Variants in PTPRD observed in about 807,000 individuals in gnomAD.
The protein encoded by PTPRD is protein tyrosine phosphatase receptor type D, also known as receptor-type tyrosine-protein phosphatase delta.
In PTPRD, 34 loss-of-function variants were observed where a neutral mutation model predicts 214.5. The ratio of observed to expected loss-of-function variants is 0.16; its 90% CI spans 0.12 to 0.21. The LOEUF (loss-of-function observed/expected upper bound fraction) is 0.21, where lower values mean the gene tolerates loss of function less well. Ranked by LOEUF, PTPRD falls within the 10% of genes least tolerant of loss-of-function variation. PTPRD has a pLI of 1.00. For synonymous variants in PTPRD, 1,128 were observed against 845.7 expected, an observed-to-expected ratio of 1.33 and a Z score of -5.79; for missense variants, 2,545 against 2,398.7, an observed-to-expected ratio of 1.06 and a Z score of -1.27.
intron 9 of PTPRD, among the ~76,000 whole-genome samples, chr9:9,335,175 A>G (rs185803475): frequency 6.6e-6 from 1 of 152,200 alleles, no homozygotes; most frequent in Admixed American, 6.6e-5. Context: ...TTCAACTGAA[A>G]TAAGCATTTT....
intron 8 of PTPRD, among the ~76,000 whole-genome samples, chr9:9,510,377 C>T (rs1324555316): frequency 6.6e-6 from 1 of 151,228 alleles, no homozygotes; most frequent in Non-Finnish European, 1.5e-5. Flanking sequence ...GAGCAAACTT[C>T]CCAGCATATA....
In PTPRD at chr9:10,060,750, A is replaced by G. The variant is rs935258063; in HGVS notation, c.-544-26960T>C. 7.9e-5 allele frequency among the ~76,000 whole-genome samples: 12 copies of G among 151,730 alleles called. No individual in the cohort carries two copies. In the East Asian group the frequency reaches 1.9e-3, roughly 25 times the overall value. On this transcript the variant is annotated intron_variant, in intron 3 of 45. Coordinates refer to ENST00000381196, the MANE Select transcript of PTPRD (RefSeq NM_002839.4). ...AAAGTTCAGTTTCTATTTTCCCACCATCAGCATACCAATCACAGGTCTTGC... is the reference window on the plus strand; with the variant it reads ...AAAGTTCAGTTTCTATTTTCCCACCGTCAGCATACCAATCACAGGTCTTGC...
At chr9:9,434,330 G>A (rs2143593007) in intron 8 of PTPRD, among the ~76,000 whole-genome samples, 1 of 152,200 alleles carries the variant, frequency 6.6e-6, no homozygotes, top group South Asian at 2.1e-4. Context: ...TCTCTACACT[G>A]AAAACTATAA....
intron 11 of PTPRD, among the ~76,000 whole-genome samples, chr9:8,844,080 T>C (rs1225347153): frequency 6.6e-6 from 1 of 152,206 alleles, no homozygotes; most frequent in East Asian, 1.9e-4. Flanking sequence ...GGAAACATAA[T>C]GTAATCTGTC....
At chr9:8,460,000 T>C (rs2096345790) in intron 33 of PTPRD, among the ~76,000 whole-genome samples, 1 of 152,146 alleles carries the variant, frequency 6.6e-6, no homozygotes, top group Admixed American at 6.5e-5. Context: ...AATTATGATA[T>C]GTATACAAAT....
At chr9:10,392,325 G>T (rs1478217934) in intron 2 of PTPRD, among the ~76,000 whole-genome samples, 1 of 151,748 alleles carries the variant, frequency 6.6e-6, no homozygotes, top group Non-Finnish European at 1.5e-5. Context: ...ACTTCTTTCT[G>T]CAAGTAAAGA....
intron 5 of PTPRD, among the ~76,000 whole-genome samples, chr9:9,876,967 C>T (rs1193878820): frequency 6.6e-6 from 1 of 152,068 alleles, no homozygotes; most frequent in Non-Finnish European, 1.5e-5. Context: ...CATAAGTTGC[C>T]TGTATAAATA....
At chr9:8,446,906 T>C (rs535968224) in intron 34 of PTPRD, among the ~76,000 whole-genome samples, 3 of 152,294 alleles carry the variant, frequency 2.0e-5, no homozygotes, top group South Asian at 4.1e-4. Context: ...TCTCATCCTA[T>C]TGGCAAGTAA....
intron 7 of PTPRD, among the ~76,000 whole-genome samples, chr9:9,609,981 G>A (rs183733562): frequency 1.3e-5 from 2 of 152,154 alleles, no homozygotes; most frequent in Admixed American, 6.5e-5. Flanking sequence ...TTCTACTCAT[G>A]GCATATATTT....
chr9:9,317,709 C>A (rs930922454), intron 9 of PTPRD, among the ~76,000 whole-genome samples: 4 of 151,974 alleles, frequency 2.6e-5, no homozygotes, highest in Non-Finnish European at 5.9e-5. Context: ...AATAATTTTT[C>A]TATGCAATAA....
intron 3 of PTPRD, among the ~76,000 whole-genome samples, chr9:10,121,962 C>G (rs182888139): frequency 2.6e-5 from 4 of 152,316 alleles, no homozygotes; most frequent in African/African-American, 9.6e-5. Context: ...AAATCTCACA[C>G]TCAGTGTATT....
At chr9:10,397,086 G>A (rs994645799) in intron 2 of PTPRD, among the ~76,000 whole-genome samples, 2 of 151,988 alleles carry the variant, frequency 1.3e-5, no homozygotes, top group Non-Finnish European at 2.9e-5. Context: ...AACTAGTCCA[G>A]AAAATGTGTC....
In PTPRD at chr9:8,504,250, G is replaced by C; in HGVS notation, c.1822+11C>G. ...TAAAAAGGCAGAAAGTAAGCAAAGA[G>C]AGACACCTACTTGACTGCATGGTTC... On this transcript the variant is annotated intron_variant, in intron 23 of 45. Coordinates refer to ENST00000381196, the MANE Select transcript of PTPRD (RefSeq NM_002839.4). 1 of 1,613,880 alleles carries C rather than the reference G, an allele frequency of 6.2e-7. No homozygotes were observed. The highest frequency in any genetic ancestry group is 8.5e-7 in the Non-Finnish European group (1 of 1,179,900).
chr9:10,599,330 C>G (rs969506228), intron 2 of PTPRD, among the ~76,000 whole-genome samples: 1 of 151,674 alleles, frequency 6.6e-6, no homozygotes, highest in Non-Finnish European at 1.5e-5. Context: ...CCAATAATTC[C>G]ACTTTGTTTC....
At chr9:9,435,687 G>C (rs1213579895) in intron 8 of PTPRD, among the ~76,000 whole-genome samples, 1 of 151,858 alleles carries the variant, frequency 6.6e-6, no homozygotes, top group Non-Finnish European at 1.5e-5. Context: ...TGAATTATTG[G>C]AGATAAAATA....
At chr9:9,980,890 T>TA (rs1389270144) in intron 4 of PTPRD, among the ~76,000 whole-genome samples, 2 of 151,522 alleles carry the variant, frequency 1.3e-5, no homozygotes, top group East Asian at 3.9e-4. Context: ...TTAACCATGT[T>TA]ACATTCATTA....
At chr9:8,572,536 T>C (rs2154237777) in intron 14 of PTPRD, among the ~76,000 whole-genome samples, 1 of 152,112 alleles carries the variant, frequency 6.6e-6, no homozygotes, top group African/African-American at 2.4e-5. Flanking sequence ...AAAATAGTAA[T>C]AGAAAGCTGA....
At chr9:9,677,159 T>C (rs760103557) in intron 7 of PTPRD, among the ~76,000 whole-genome samples, 7 of 152,142 alleles carry the variant, frequency 4.6e-5, no homozygotes, top group African/African-American at 1.7e-4. Flanking sequence ...ATTTTGGCTT[T>C]TGTTGCCATT....
At chr9:10,007,999 A>C (rs548981299) in intron 4 of PTPRD, among the ~76,000 whole-genome samples, 1 of 152,174 alleles carries the variant, frequency 6.6e-6, no homozygotes, top group East Asian at 1.9e-4. Flanking sequence ...AATCTTAGTA[A>C]GTTTATAAAG....
Sources: allele counts gnomAD v4.1 joint callset (sites outside exome capture counted in the v4.1 genomes callset), GRCh38; gene constraint gnomAD v4.1.1; transcripts MANE v1.5; gene names NCBI Gene and HGNC (gene_info 2026-07-23, HGNC 2026-07-21).